Variants in INSL6 observed in about 807,000 individuals in gnomAD.
INSL6 encodes insulin like 6.
In INSL6, 16 loss-of-function variants were observed where a neutral mutation model predicts 9.4. The ratio of observed to expected loss-of-function variants is 1.70; its 90% confidence interval spans 1.15 to 2.59. INSL6 has a LOEUF of 2.59. Among genes scored for constraint, INSL6 ranks in the 30% most tolerant of loss-of-function variants. INSL6 has a pLI of 0.00. For synonymous variants in INSL6, 154 were observed against 96.9 expected (o/e 1.59, Z -3.46); for missense variants, 391 against 257.3 (o/e 1.52, Z -3.56).
chr9:5,030,307 A>G, the INSL6 span, among the ~76,000 whole-genome samples: 32 of 152,318 alleles, frequency 2.1e-4, no homozygotes, highest in Middle Eastern at 3.4e-3. Flanking sequence ...TGAAGAAAAG[A>G]GACTTTTCCC....
intron 1 of INSL6, among the ~76,000 whole-genome samples, chr9:5,178,891 C>T (rs1051056519): frequency 1.3e-5 from 2 of 151,982 alleles, no homozygotes; most frequent in Non-Finnish European, 2.9e-5. Context: ...TATGTAAAAC[C>T]CAAAACCATA....
chr9:5,020,603 A>C, the INSL6 span, among the ~76,000 whole-genome samples: 1 of 152,098 alleles, frequency 6.6e-6, no homozygotes, highest in Non-Finnish European at 1.5e-5. Flanking sequence ...GAGGCTGTAG[A>C]TGTGATGAAG....
downstream of INSL6, among the ~76,000 whole-genome samples, chr9:5,160,935 T>C (rs928587490): frequency 1.3e-5 from 2 of 152,050 alleles, no homozygotes; most frequent in African/African-American, 2.4e-5. Flanking sequence ...GTAATAAGAT[T>C]GAAGCTATAA....
At chr9:5,047,797 C>T in the INSL6 span, among the ~76,000 whole-genome samples, 722 of 152,074 alleles carry the variant, frequency 4.7e-3, 6 homozygotes, top group African/African-American at 0.013. Context: ...GATGGGGTCT[C>T]GCTCTATTGT....
At chr9:5,074,849 G>A in the INSL6 span, among the ~76,000 whole-genome samples, 1 of 152,178 alleles carries the variant, frequency 6.6e-6, no homozygotes, top group South Asian at 2.1e-4. Context: ...AGAGAGGAAG[G>A]CATGCTGAAA....
the INSL6 span, among the ~76,000 whole-genome samples, chr9:5,105,005 A>G: frequency 2.0e-5 from 3 of 152,206 alleles, no homozygotes; most frequent in Admixed American, 1.3e-4. Flanking sequence ...GCAAAAGACA[A>G]GGATGCCCTC....
At chr9:5,140,184 G>A (rs1358147933) in intron 2 of INSL6, among the ~76,000 whole-genome samples, 1 of 152,040 alleles carries the variant, frequency 6.6e-6, no homozygotes, top group Admixed American at 6.6e-5. Context: ...TATTAACCTA[G>A]AATCAATACT....
At chr9:5,039,312 A>G in the INSL6 span, among the ~76,000 whole-genome samples, 3 of 152,184 alleles carry the variant, frequency 2.0e-5, no homozygotes, top group African/African-American at 7.2e-5. Context: ...TACACTGAAC[A>G]TGTACAGACT....
intron 1 of INSL6, among the ~76,000 whole-genome samples, chr9:5,179,705 G>A (rs1472078630): frequency 6.6e-6 from 1 of 152,164 alleles, no homozygotes; most frequent in African/African-American, 2.4e-5. Flanking sequence ...GGACATGGAT[G>A]GAGTTGGAAA....
chr9:5,020,003 C>T, the INSL6 span, among the ~76,000 whole-genome samples: 16 of 152,098 alleles, frequency 1.1e-4, no homozygotes, highest in Non-Finnish European at 1.3e-4. Flanking sequence ...CCAGGCAGTC[C>T]AATTTTTGGG....
At chr9:5,177,512 G>A (rs1825338083) in intron 1 of INSL6, among the ~76,000 whole-genome samples, 2 of 152,214 alleles carry the variant, frequency 1.3e-5, no homozygotes, top group African/African-American at 4.8e-5. Flanking sequence ...GGCACACAAT[G>A]AGGCCCAGGA....
the INSL6 span, chr9:5,069,846 A>T: frequency 1.1e-6 from 1 of 896,268 alleles, no homozygotes; most frequent in Non-Finnish European, 1.6e-6. Flanking sequence ...CGTAGAACAC[A>T]TTTCATTTTA....
At chr9:5,030,023 CTCATTTAAGATT>C in the INSL6 span, 3 of 772,806 alleles carry the variant, frequency 3.9e-6, no homozygotes, top group African/African-American at 1.8e-5. Context: ...TTAGTTAGCA[CTCATTTAAGATT>C]TCATTTAAGA....
intron 1 of INSL6, among the ~76,000 whole-genome samples, chr9:5,172,216 G>A (rs192887974): frequency 1.2e-4 from 18 of 152,194 alleles, no homozygotes; most frequent in African/African-American, 3.9e-4. Context: ...TTGGACAAAC[G>A]TGACAAAAAA....
chr9:5,021,421 G>A, the INSL6 span, among the ~76,000 whole-genome samples: 185 of 152,136 alleles, frequency 1.2e-3, 2 homozygotes, highest in Middle Eastern at 0.044. Context: ...TTATATCATC[G>A]TCCTCAATTA....
At chr9:5,182,155 G>C (rs553314835) in intron 1 of INSL6, among the ~76,000 whole-genome samples, 1 of 152,208 alleles carries the variant, frequency 6.6e-6, no homozygotes, top group Admixed American at 6.5e-5. Context: ...GGAGTTCAAG[G>C]CTACATAGGT....
At chr9:5,143,725 T>A (rs988021640) in intron 2 of INSL6, among the ~76,000 whole-genome samples, 1 of 151,806 alleles carries the variant, frequency 6.6e-6, no homozygotes, top group Admixed American at 6.6e-5. Flanking sequence ...AGTGGCATGA[T>A]CTCAGCTCAC....
the INSL6 span, among the ~76,000 whole-genome samples, chr9:5,030,836 G>T: frequency 5.3e-5 from 8 of 151,884 alleles, no homozygotes; most frequent in African/African-American, 1.9e-4. Context: ...TGTATAATTT[G>T]CACTGAGTTC....
the INSL6 span, among the ~76,000 whole-genome samples, chr9:4,992,738 C>A: frequency 6.6e-6 from 1 of 152,098 alleles, no homozygotes; most frequent in African/African-American, 2.4e-5. Context: ...TTATATGTCC[C>A]CTGCATACTT....
Sources: gnomAD v4.1 joint callset for allele counts (sites outside exome capture counted in the v4.1 genomes callset) on GRCh38, gnomAD v4.1.1 for gene constraint, MANE v1.5 for transcripts, NCBI Gene and HGNC (gene_info 2026-07-23, HGNC 2026-07-21) for gene names.